REV1: variants seen among roughly 807,000 people sequenced by gnomAD.
The protein encoded by REV1 is translesion synthesis protein REV1.
Under a neutral mutation model 137.4 loss-of-function variants are expected in REV1, and 42 were observed. The observed-to-expected ratio is 0.31, with a 90% CI of 0.24 to 0.40. The LOEUF (loss-of-function observed/expected upper bound fraction) is 0.40. Among genes scored for constraint, REV1 ranks in the 10% least tolerant of loss-of-function variants. REV1 has a pLI of 1.00. For missense variants in REV1, 1,282 were observed against 1,490.1 expected (o/e 0.86, Z 2.30); for synonymous variants, 524 against 519.2 (o/e 1.01, Z -0.12).
Position 99,464,998 on chromosome 2 carries a change from G to T in REV1, c.-10-13C>A, listed in dbSNP as rs2105148624. 6.3e-7 allele frequency: 1 copy of T among 1,584,408 alleles called. No individual in the cohort carries two copies. Among genetic ancestry groups the T allele is most frequent in the South Asian group, 1.2e-5 (1 of 86,282 alleles). On this transcript the variant is annotated splice_polypyrimidine_tract_variant and intron_variant, in intron 1 of 22. Coordinates refer to ENST00000258428, the MANE Select transcript of REV1 (RefSeq NM_016316.4). ...CATGGTGGAGCTTCTGTATTGGGGA[G>T]GAAAAAAAAAATGTCAATTTTATAA... is the stretch of plus-strand genomic sequence containing the variant.
In REV1 at chr2:99,482,157, T is replaced by A. The variant is rs1261046161; in HGVS notation, c.-11+7660A>T. Among the ~76,000 whole-genome samples the A allele has an allele frequency of 2.6e-5, 4 of 152,188 alleles. No homozygotes were observed. The East Asian group carries it at 7.7e-4, about 29-fold the overall frequency. ...GGGGACTGGGGACTGAGTTCAATCATACCTATGTAATAAAAGTCCCATAAA... is the reference window on the plus strand; with the variant it reads ...GGGGACTGGGGACTGAGTTCAATCAAACCTATGTAATAAAAGTCCCATAAA... On this transcript the variant is annotated intron_variant, in intron 1 of 22. Transcript: ENST00000258428.
At chr2:99,409,977 T>C (rs911167749) in intron 14 of REV1, among the ~76,000 whole-genome samples, 4 of 152,002 alleles carry the variant, frequency 2.6e-5, no homozygotes, top group Admixed American at 2.6e-4. Flanking sequence ...GTTGCTCTCC[T>C]TCACCATCAT....
intron 18 of REV1, 88 bp downstream of exon 18, chr2:99,404,356 G>T: frequency 9.8e-7 from 1 of 1,024,188 alleles, no homozygotes; most frequent in Non-Finnish European, 1.5e-6. Flanking sequence ...CAGATACAGA[G>T]GAGAAAGGGA....
intron 3 of REV1, among the ~76,000 whole-genome samples, chr2:99,452,868 A>G (rs1293529550): frequency 6.6e-6 from 1 of 152,178 alleles, no homozygotes; most frequent in Non-Finnish European, 1.5e-5. Flanking sequence ...AAGAGGACAG[A>G]CTCCAAAGCA....
chr2:99,462,414 T>C, intron 3 of REV1, 82 bp downstream of exon 3: 1 of 1,314,774 alleles, frequency 7.6e-7, no homozygotes, highest in Admixed American at 2.3e-5. Context: ...AATAAATGAG[T>C]AAAAATAGAA....
At chr2:99,404,350 T>G (rs935597154) in intron 18 of REV1, 94 bp downstream of exon 18, 3 of 921,826 alleles carry the variant, frequency 3.3e-6, no homozygotes, top group Non-Finnish European at 5.1e-6. Flanking sequence ...TGGTGTCAGA[T>G]ACAGAGGAGA....
rs368812454 is a variant in REV1, at chr2:99,438,821, C to T, written c.993G>A (p.Thr331=). ...GCACTGAAGGTGCTGCCTTGCTAAACGTAGATACTGAAGAAGTGCTTTTTG... is the reference window on the plus strand; with the variant it reads ...GCACTGAAGGTGCTGCCTTGCTAAATGTAGATACTGAAGAAGTGCTTTTTG... ...SSTKSTSSVS[T]FSKAAPSVPS... is the part of the protein sequence containing the mutation. Residue 331 remains threonine (T), a synonymous_variant, in exon 6 of 23, where the codon ACG becomes ACA. Transcript: ENST00000258428. 17 of 1,614,204 alleles carry T rather than the reference C, an allele frequency of 1.1e-5. No homozygotes were observed. Among genetic ancestry groups the T allele is most frequent in the South Asian group, 2.2e-5 (2 of 91,088 alleles).
At chr2:99,456,068 G>A (rs1213396465) in intron 3 of REV1, among the ~76,000 whole-genome samples, 1 of 152,080 alleles carries the variant, frequency 6.6e-6, no homozygotes, top group Non-Finnish European at 1.5e-5. Context: ...CACTCCCCCT[G>A]GGCAGCTTTC....
chr2:99,489,188 T>C (rs1575282847), intron 1 of REV1, among the ~76,000 whole-genome samples: 1 of 152,080 alleles, frequency 6.6e-6, no homozygotes, highest in Non-Finnish European at 1.5e-5. Flanking sequence ...CCAGCGTATT[T>C]AGCGAACGGA....
Position 99,424,237 on chromosome 2 carries a change from G to T in REV1, c.1591C>A (p.Gln531Lys), listed in dbSNP as rs758315802. The change falls in exon 10 of 23, where the codon CAA becomes AAA. Residue 531 changes from glutamine to lysine, a missense_variant. Gln to Lys is a moderately conservative substitution (Grantham distance 53). This residue lies in a region of REV1 where 372 missense variants were observed against 482.3 expected (regional missense o/e 0.77). Transcript: ENST00000258428. ...KNGMFFGHAK[Q>K]LCPNLQAVPY... Reference sequence around the variant, plus strand: ...ACAGCTTGAAGATTAGGACATAGTTGTTTAGCATGCCCAAAAAACATTCCG... The same window carrying T: ...ACAGCTTGAAGATTAGGACATAGTTTTTTAGCATGCCCAAAAAACATTCCG... 3.7e-6 allele frequency: 6 copies of T among 1,613,794 alleles called. No homozygotes were observed. The highest frequency in any genetic ancestry group is 5.1e-6 in the Non-Finnish European group (6 of 1,179,856).
At chr2:99,445,814 CT>C (rs1472616849) in intron 4 of REV1, among the ~76,000 whole-genome samples, 1 of 152,140 alleles carries the variant, frequency 6.6e-6, no homozygotes, top group Non-Finnish European at 1.5e-5. Flanking sequence ...ATAACCATGC[CT>C]ACATTAACTC....
In REV1 at chr2:99,405,963, C is replaced by T; in HGVS notation, c.2758G>A (p.Val920Ile). 1.2e-6 allele frequency: 2 copies of T among 1,612,036 alleles called. No homozygotes were observed. The highest frequency in any genetic ancestry group is 1.7e-5 in the Admixed American group (1 of 59,766). The change falls in exon 17 of 23, where the codon GTC becomes ATC. Residue 920 changes from valine (V) to isoleucine (I), a missense_variant. Physicochemically the swap from Val to Ile is conservative, Grantham distance 29 (BLOSUM62 3). This residue lies in a region of REV1 where 135 missense variants were observed against 123.3 expected (regional missense o/e 1.10). Transcript: ENST00000258428. The stretch of plus-strand genomic sequence containing the variant: ...AGGTTAAGTCTCGACTGCACACTGA[C>T]AGGAGTATGTAGACCATTCCATTTC... ...SGKWNGLHTPVSVQSRLNLSI... is the reference protein window; with the variant it reads ...SGKWNGLHTPISVQSRLNLSI...
intron 3 of REV1, among the ~76,000 whole-genome samples, chr2:99,454,994 C>T (rs531578312): frequency 7.2e-5 from 11 of 152,284 alleles, no homozygotes; most frequent in East Asian, 5.8e-4. Context: ...ACCACTTTCA[C>T]GTCTGTAGGC....
At position 99,404,509 on chromosome 2, in the gene REV1, G is replaced by A. The variant is rs558330255; in HGVS notation, c.2980C>T (p.Pro994Ser). ...TCACTGTTCGATTCTTGAGGTTCTG[G>A]TATTTGCAACAAGACTGTCCCAACT... ...QPVGTVLLQI[P>S]EPQESNSDAG... is the part of the protein sequence containing the mutation. Residue 994 changes from proline to serine, a missense_variant, in exon 18 of 23, where the codon CCA (proline) becomes TCA (serine). Physicochemically the swap from Pro to Ser is moderately conservative, Grantham distance 74 (BLOSUM62 -1). Transcript: ENST00000258428. 6.2e-7 allele frequency: 1 copy of A among 1,614,154 alleles called. No individual in the cohort carries two copies. The highest frequency in any genetic ancestry group is 8.5e-7 in the Non-Finnish European group (1 of 1,180,016).
chr2:99,478,144 G>A (rs1258719601), intron 1 of REV1, among the ~76,000 whole-genome samples: 2 of 152,150 alleles, frequency 1.3e-5, no homozygotes, highest in Non-Finnish European at 2.9e-5. Flanking sequence ...GCTGAGGCAG[G>A]AGGATCACTT....
chr2:99,456,489 G>T (rs187225243), intron 3 of REV1, among the ~76,000 whole-genome samples: 167 of 152,298 alleles, frequency 1.1e-3, no homozygotes, highest in Non-Finnish European at 1.5e-3. Context: ...CCGTAAAAAG[G>T]TAACATTTGA....
At chr2:99,415,305 T>C (rs1677699196) in intron 12 of REV1, among the ~76,000 whole-genome samples, 1 of 152,192 alleles carries the variant, frequency 6.6e-6, no homozygotes, top group Non-Finnish European at 1.5e-5. Context: ...AAATATGCTC[T>C]TTTAGAATCA....
rs983649953 is a variant in REV1 at position 99,481,162 on chromosome 2, T to G, written c.-11+8655A>C. ...AAATAGATTATCAATGCCTCCACCC[T>G]ACCCATAAATATCTCACTTCATAAT... On this transcript the variant is annotated intron_variant, in intron 1 of 22. Coordinates refer to ENST00000258428, the MANE Select transcript of REV1 (RefSeq NM_016316.4). Among the ~76,000 whole-genome samples the G allele has an allele frequency of 5.0e-4, 76 of 152,360 alleles. No individual in the cohort carries two copies. The Middle Eastern group carries it at 0.01, about 20-fold the overall frequency.
intron 2 of REV1, among the ~76,000 whole-genome samples, chr2:99,463,151 C>T (rs879402163): frequency 1.1e-4 from 16 of 151,854 alleles, no homozygotes; most frequent in Admixed American, 4.6e-4. Context: ...AGAATTTTCC[C>T]TCTATCAACT....
Sources: gnomAD v4.1 joint callset for allele counts (sites outside exome capture counted in the v4.1 genomes callset) on GRCh38, gnomAD v4.1.1 for gene constraint, gnomAD v4.1.1 regional missense constraint, MANE v1.5 for transcripts, NCBI Gene and HGNC (gene_info 2026-07-23, HGNC 2026-07-21) for gene names.